DAB2: variants seen among roughly 807,000 people sequenced by gnomAD.
DAB2 encodes the protein DAB adaptor protein 2.
A neutral mutation model predicts 71.6 loss-of-function variants in DAB2; 28 were observed. That is an observed-to-expected ratio of 0.39 (90% CI 0.29 to 0.54). The LOEUF is 0.54. Among genes scored for constraint, DAB2 ranks in the 20% least tolerant of loss-of-function variants. DAB2 has a pLI of 0.68. For missense variants in DAB2, 867 were observed against 928.8 expected (o/e 0.93, Z 0.86); for synonymous variants, 345 against 339.7 (o/e 1.02, Z -0.17).
chr5:39,378,111 G>T (rs1251976291), intron 11 of DAB2, among the ~76,000 whole-genome samples: 1 of 152,178 alleles, frequency 6.6e-6, no homozygotes, highest in African/African-American at 2.4e-5. Flanking sequence ...GTAACTAATG[G>T]CCTGTGTTGG....
intron 9 of DAB2, chr5:39,387,668 T>G (rs1755128605): frequency 6.7e-6 from 1 of 150,286 alleles, no homozygotes; most frequent in South Asian, 2.1e-4. Flanking sequence ...GTCTTGAATC[T>G]GGACCTCTTT....
rs927195939 is a variant in DAB2, at chr5:39,383,092, G to A, written c.867C>T (p.Thr289=). Residue 289 remains threonine, a synonymous_variant, in exon 10 of 15, where the codon ACC becomes ACT. Transcript: ENST00000320816. ...CGTCACGGAAAGGATCAGGATTAGG[G>A]GTGGGAAAGAAGTTGAGATTGGCAG... The part of the protein sequence containing the change: ...AFSANLNFFP[T]PNPDPFRDDP... 6.2e-7 allele frequency: 1 copy of A among 1,614,130 alleles called. No homozygotes were observed. Among genetic ancestry groups the A allele is most frequent in the Non-Finnish European group, 8.5e-7 (1 of 1,180,028 alleles).
At chr5:39,405,959 A>G (rs1013776453) in intron 1 of DAB2, among the ~76,000 whole-genome samples, 2 of 152,174 alleles carry the variant, frequency 1.3e-5, no homozygotes, top group African/African-American at 4.8e-5. Flanking sequence ...TTATGAAACC[A>G]TTGTTCTGGG....
chr5:39,381,335 TG>T, intron 11 of DAB2, 118 bp downstream of exon 11: 1 of 1,030,212 alleles, frequency 9.7e-7, no homozygotes, highest in Non-Finnish European at 1.4e-6. Flanking sequence ...AAGGGCTCCC[TG>T]GGATGCTCAA....
intron 4 of DAB2, among the ~76,000 whole-genome samples, chr5:39,391,981 A>AAAT (rs1554054280): frequency 2.8e-5 from 4 of 144,494 alleles, no homozygotes; most frequent in Non-Finnish European, 6.0e-5. Flanking sequence ...AAAAAAAAAA[A>AAAT]ATATATATAT....
At chr5:39,398,312 C>A (rs1755418114) in intron 1 of DAB2, among the ~76,000 whole-genome samples, 2 of 152,014 alleles carry the variant, frequency 1.3e-5, no homozygotes, top group African/African-American at 4.8e-5. Context: ...GCAGACTGGG[C>A]CAAATGGAAG....
intron 11 of DAB2, among the ~76,000 whole-genome samples, chr5:39,380,475 TTCCTCGTCTACAG>T (rs1457767555): frequency 1.3e-5 from 2 of 152,182 alleles, no homozygotes; most frequent in Non-Finnish European, 2.9e-5. Context: ...AGGAGAGTCC[TTCCTCGTCTACAG>T]TCCTCCACCT....
intron 13 of DAB2, 108 bp downstream of exon 13, chr5:39,375,889 A>AAAAT (rs917652823): frequency 6.2e-5 from 54 of 867,290 alleles, no homozygotes; most frequent in Middle Eastern, 3.5e-4. Flanking sequence ...CTGTCTTAAA[A>AAAAT]AAATAAATAA....
chr5:39,388,337 T>C lies in DAB2; in HGVS notation c.655A>G (p.Met219Val), dbSNP rs1755145235. 1.2e-6 allele frequency: 2 copies of C among 1,612,720 alleles called. No individual in the cohort carries two copies. Among genetic ancestry groups the C allele is most frequent in the African/African-American group, 1.3e-5 (1 of 74,876 alleles). ...CTATTTAGGTCAGGAGGTGTAGACA[T>C]GTCCCCAAACAAATCCATCTGGTCA... ...GVDQMDLFGD[M>V]STPPDLNSPT... The change falls in exon 9 of 15, where the codon ATG becomes GTG. Residue 219 changes from methionine (M) to valine (V), a missense_variant. Met to Val is a conservative substitution (Grantham distance 21, BLOSUM62 1). This residue lies in a region of DAB2 where 740 missense variants were observed against 734.3 expected (regional missense o/e 1.01). Coordinates refer to ENST00000320816, the MANE Select transcript of DAB2 (RefSeq NM_001343.4).
intron 1 of DAB2, among the ~76,000 whole-genome samples, chr5:39,404,809 C>T (rs934652521): frequency 2.0e-5 from 3 of 152,208 alleles, no homozygotes; most frequent in Non-Finnish European, 2.9e-5. Context: ...GAACTCCTGG[C>T]CTTAGGCAAT....
chr5:39,375,084 C>T lies in DAB2; in HGVS notation c.2248G>A (p.Val750Met), dbSNP rs775373117. The T allele has an allele frequency of 4.4e-6, 7 of 1,604,486 alleles. 1 individual carries two copies. In the South Asian group the frequency reaches 6.7e-5, roughly 15 times the overall value. ...GAAGATACAGGTTGAGAAGAAGCCA[C>T]CTAAGAAGATAAAATCATCTAGTCA... ...KDSFGSSQAS[V>M]ASSQPVSSEM... Residue 750 changes from valine to methionine, a missense_variant and splice_region_variant, in exon 14 of 15, where the codon GTG (valine) becomes ATG (methionine). Val to Met is a conservative substitution (Grantham distance 21). Transcript: ENST00000320816.
chr5:39,419,006 C>T (rs1196410633), intron 1 of DAB2, among the ~76,000 whole-genome samples: 3 of 152,210 alleles, frequency 2.0e-5, no homozygotes, highest in African/African-American at 7.2e-5. Flanking sequence ...AGAACCCAAG[C>T]TCTTAACCAT....
rs138595552 is a variant in DAB2, at chr5:39,374,740, C to T, written c.*5+274G>A. On this transcript the variant is annotated intron_variant, in intron 14 of 14. Transcript: ENST00000320816. ...ATGTGTTGTTTTGAGTTTTACTTCC[C>T]ACACAGAACTGAAAAACCAAGAACA... The T allele has an allele frequency of 8.9e-5, 30 of 338,910 alleles. No individual in the cohort carries two copies. The East Asian group carries it at 2.1e-3, about 23-fold the overall frequency. The allele number at this position is 338,910 out of a possible 1,614,324, so 21.0% of individuals were successfully genotyped here. A position where few individuals can be genotyped will look rare whatever the true frequency, so the allele number is the denominator to read the frequency against.
At chr5:39,376,532 C>T in intron 12 of DAB2, 118 bp downstream of exon 12, 1 of 1,225,570 alleles carries the variant, frequency 8.2e-7, no homozygotes, top group South Asian at 1.4e-5. Context: ...TGATTACCAA[C>T]AGAAGCAAGA....
intron 1 of DAB2, among the ~76,000 whole-genome samples, chr5:39,394,836 T>G (rs1444052509): frequency 2.0e-5 from 3 of 152,206 alleles, no homozygotes; most frequent in Non-Finnish European, 4.4e-5. Flanking sequence ...AAATTTCAGT[T>G]CTTCGGAAAA....
Position 39,424,892 on chromosome 5 carries a change from T to C in DAB2, c.-190A>G, listed in dbSNP as rs1462719614. ...GCGCAGCGGATGCGGCGGGCCTCGCTTAAATAGCCGCCGGCCGGGAGCTTC... is the reference window on the plus strand; with the variant it reads ...GCGCAGCGGATGCGGCGGGCCTCGCCTAAATAGCCGCCGGCCGGGAGCTTC... On this transcript the variant is annotated 5_prime_UTR_variant, in exon 1 of 15. Transcript: ENST00000320816. 6.6e-6 allele frequency: 1 copy of C among 152,522 alleles called. No individual in the cohort carries two copies. Among genetic ancestry groups the C allele is most frequent in the Non-Finnish European group, 1.5e-5 (1 of 68,110 alleles). The allele number at this position is 152,522 out of a possible 1,614,324, so 9.4% of individuals were successfully genotyped here. A position where few individuals can be genotyped will look rare whatever the true frequency, so the allele number is the denominator to read the frequency against.
At chr5:39,385,287 A>G (rs531604621) in intron 9 of DAB2, 1 of 152,272 alleles carries the variant, frequency 6.6e-6, no homozygotes, top group East Asian at 1.9e-4. Context: ...TGATTTCAAT[A>G]TTTATTTATT....
At position 39,372,898 on chromosome 5, in the gene DAB2, T is replaced by C. The variant is rs1007369908; in HGVS notation, c.*533A>G. 5 of 152,086 alleles carry C rather than the reference T, an allele frequency of 3.3e-5. No homozygotes were observed. The highest frequency in any genetic ancestry group is 5.9e-5 in the Non-Finnish European group (4 of 68,020). The allele number at this position is 152,086 out of a possible 1,614,324, so 9.4% of individuals were successfully genotyped here. ...AGATTCCAAAGTGTCTAAGGAGAAGTTGTAGTTGCTTCAATTTTACTTTAG... is the reference window on the plus strand; with the variant it reads ...AGATTCCAAAGTGTCTAAGGAGAAGCTGTAGTTGCTTCAATTTTACTTTAG... On this transcript the variant is annotated 3_prime_UTR_variant, in exon 15 of 15. Coordinates refer to ENST00000320816, the MANE Select transcript of DAB2 (RefSeq NM_001343.4).
rs1754713344 is a variant in DAB2 at position 39,372,121 on chromosome 5, T to A, written c.*1310A>T. 6.6e-6 allele frequency: 1 copy of A among 152,074 alleles called. No homozygotes were observed. The highest frequency in any genetic ancestry group is 1.5e-5 in the Non-Finnish European group (1 of 68,014). The allele number at this position is 152,074 out of a possible 1,614,324, so 9.4% of individuals were successfully genotyped here. On this transcript the variant is annotated 3_prime_UTR_variant, in exon 15 of 15. Coordinates refer to ENST00000320816, the MANE Select transcript of DAB2 (RefSeq NM_001343.4). ...AAGAGACAACATTAAAAACCCAACA[T>A]AAACAAAACAAAACAAAACTTATTT...
Sources: allele counts gnomAD v4.1 joint callset (sites outside exome capture counted in the v4.1 genomes callset), GRCh38; gene constraint gnomAD v4.1.1; regional missense constraint gnomAD v4.1.1; transcripts MANE v1.5; gene names NCBI Gene and HGNC (gene_info 2026-07-23, HGNC 2026-07-21).